The following PTCSC3 variants were observed in gnomAD, a reference collection of about 807,000 sequenced individuals.
PTCSC3 encodes the protein papillary thyroid carcinoma susceptibility candidate 3 (non-protein coding).
chr14:36,169,603 A>G (rs1235785736), intron 1 of PTCSC3, among the ~76,000 whole-genome samples: 1 of 152,158 alleles, frequency 6.6e-6, no homozygotes, highest in African/African-American at 2.4e-5. Context: ...GGGCCAGTTA[A>G]TTTATGTGTT....
intron 2 of PTCSC3, among the ~76,000 whole-genome samples, chr14:36,162,149 T>G (rs997740400): frequency 4.0e-5 from 6 of 149,372 alleles, no homozygotes; most frequent in Non-Finnish European, 7.4e-5. Context: ...CTGGACTCTG[T>G]GGGGGTGGGA....
intron 2 of PTCSC3, among the ~76,000 whole-genome samples, chr14:36,159,223 G>T (rs547262917): frequency 1.4e-5 from 2 of 145,752 alleles, no homozygotes; most frequent in Non-Finnish European, 3.0e-5. Flanking sequence ...TTTTTGAAGG[G>T]TTTTTTTTGC....
At chr14:36,149,233 T>G (rs569848202) in intron 3 of PTCSC3, among the ~76,000 whole-genome samples, 2 of 152,368 alleles carry the variant, frequency 1.3e-5, no homozygotes, top group South Asian at 4.1e-4. Context: ...TTGAAACTTC[T>G]TCTTTGACCC....
chr14:36,142,063 A>G (rs996050512), intron 3 of PTCSC3, among the ~76,000 whole-genome samples: 1 of 152,190 alleles, frequency 6.6e-6, no homozygotes, highest in African/African-American at 2.4e-5. Context: ...TGTAATGTTG[A>G]ATAGGTGTGG....
At chr14:36,151,127 T>C (rs1305845300) in intron 3 of PTCSC3, among the ~76,000 whole-genome samples, 2 of 152,196 alleles carry the variant, frequency 1.3e-5, no homozygotes, top group African/African-American at 4.8e-5. Flanking sequence ...ATTTTTTCAC[T>C]TTTGAAGGAT....
chr14:36,139,120 A>T (rs1350872497), intron 3 of PTCSC3, among the ~76,000 whole-genome samples: 46 of 41,378 alleles, frequency 1.1e-3, no homozygotes, highest in Admixed American at 1.7e-3. Context: ...TCTCAAAAAT[A>T]AAAAAAAAAA....
At chr14:36,160,355 T>C (rs1242753675) in intron 2 of PTCSC3, among the ~76,000 whole-genome samples, 1 of 152,246 alleles carries the variant, frequency 6.6e-6, no homozygotes, top group Non-Finnish European at 1.5e-5. Context: ...GTTTTTGCAG[T>C]GGCTGGTATC....
intron 3 of PTCSC3, among the ~76,000 whole-genome samples, chr14:36,151,438 A>G (rs921290530): frequency 3.3e-5 from 5 of 152,154 alleles, no homozygotes; most frequent in Non-Finnish European, 7.3e-5. Context: ...ATTGTGGAAA[A>G]TTATGATACG....
chr14:36,152,683 C>A (rs1477833521), intron 3 of PTCSC3, among the ~76,000 whole-genome samples: 2 of 152,020 alleles, frequency 1.3e-5, no homozygotes, highest in Admixed American at 1.3e-4. Context: ...ACCTGAAGTT[C>A]AGGAGTTTGA....
chr14:36,172,240 A>C (rs115864466), intron 1 of PTCSC3, among the ~76,000 whole-genome samples: 3,348 of 152,164 alleles, frequency 0.022, 120 homozygotes, highest in African/African-American at 0.077. Context: ...AGTTTTTAGA[A>C]TTTTTAGTTA....
chr14:36,140,319 C>T (rs903603741), intron 3 of PTCSC3, among the ~76,000 whole-genome samples: 53 of 152,220 alleles, frequency 3.5e-4, no homozygotes, highest in African/African-American at 1.2e-3. Flanking sequence ...TTTTGTGTGG[C>T]CATAATACCA....
At chr14:36,174,278 C>G (rs1416637690) in intron 1 of PTCSC3, among the ~76,000 whole-genome samples, 2 of 152,094 alleles carry the variant, frequency 1.3e-5, no homozygotes, top group Non-Finnish European at 1.5e-5. Flanking sequence ...TCTCTACTCT[C>G]CAGATTCAGG....
At chr14:36,150,554 A>ATGTGG in intron 3 of PTCSC3, among the ~76,000 whole-genome samples, 1 of 152,226 alleles carries the variant, frequency 6.6e-6, no homozygotes, top group Admixed American at 6.5e-5. Flanking sequence ...GATTATTGAT[A>ATGTGG]CAGTTGAATA....
intron 3 of PTCSC3, among the ~76,000 whole-genome samples, chr14:36,137,320 G>T (rs745960200): frequency 6.6e-5 from 10 of 152,188 alleles, no homozygotes; most frequent in Non-Finnish European, 1.3e-4. Context: ...TAGAATATGA[G>T]ATCGTAGAGA....
intron 3 of PTCSC3, among the ~76,000 whole-genome samples, chr14:36,149,885 A>T (rs746371436): frequency 2.0e-5 from 3 of 152,128 alleles, no homozygotes; most frequent in Non-Finnish European, 2.9e-5. Flanking sequence ...CTTAGGACCA[A>T]AAGTTTTTCA....
intron 2 of PTCSC3, among the ~76,000 whole-genome samples, chr14:36,155,666 GA>G (rs60552754): frequency 6.6e-6 from 1 of 152,038 alleles, no homozygotes; most frequent in South Asian, 2.1e-4. Flanking sequence ...TTGCTTGATT[GA>G]AAATTTCTTC....
intron 2 of PTCSC3, among the ~76,000 whole-genome samples, chr14:36,160,206 G>A (rs1019155136): frequency 6.6e-6 from 1 of 152,066 alleles, no homozygotes; most frequent in African/African-American, 2.4e-5. Context: ...TCTTTTAATT[G>A]GGGCATTTAG....
intron 2 of PTCSC3, among the ~76,000 whole-genome samples, chr14:36,159,821 GAC>G: frequency 6.6e-6 from 1 of 150,984 alleles, no homozygotes; most frequent in Non-Finnish European, 1.5e-5. Context: ...GTCTAATATT[GAC>G]AGTGTTAGTC....
At chr14:36,136,908 A>C (rs1009256798) in intron 3 of PTCSC3, among the ~76,000 whole-genome samples, 2 of 152,206 alleles carry the variant, frequency 1.3e-5, no homozygotes, top group African/African-American at 4.8e-5. Context: ...CTTAATGAGC[A>C]CCTATTATGT....
Sources: allele counts gnomAD v4.1 joint callset (sites outside exome capture counted in the v4.1 genomes callset), GRCh38; gene constraint gnomAD v4.1.1; transcripts MANE v1.5; gene names NCBI Gene and HGNC (gene_info 2026-07-23, HGNC 2026-07-21).